TOX: variants seen among roughly 807,000 people sequenced by gnomAD.
TOX encodes thymocyte selection associated high mobility group box.
In TOX, 11 loss-of-function variants were observed where a neutral mutation model predicts 53.7. The ratio of observed to expected loss-of-function variants is 0.20; its 90% CI spans 0.13 to 0.34. The LOEUF (loss-of-function observed/expected upper bound fraction) is 0.34, where lower values mean the gene tolerates loss of function less well. Among genes scored for constraint, TOX ranks in the 10% least tolerant of loss-of-function variants. The probability of loss-of-function intolerance (pLI) is 1.00; values close to 1 mark genes in which losing one functional copy is unlikely to be tolerated. For missense variants in TOX, 570 were observed against 664.6 expected (o/e 0.86, Z 1.56); for synonymous variants, 225 against 245.3 (o/e 0.92, Z 0.77).
rs1404982032 is a variant in TOX, at chr8:58,924,014, A to G, written c.411+15288T>C. 2.0e-5 allele frequency among the ~76,000 whole-genome samples: 3 copies of G among 152,326 alleles called. No homozygotes were observed. The East Asian group carries it at 5.8e-4, about 29-fold the overall frequency. On this transcript the variant is annotated intron_variant, in intron 3 of 8. Coordinates refer to ENST00000361421, the MANE Select transcript of TOX (RefSeq NM_014729.3). Reference sequence around the variant, plus strand: ...TTTCATATCAATTTTGGAAACTTTTATATTCCATGAAGCTCTAAGGTAAGA... The same window carrying G: ...TTTCATATCAATTTTGGAAACTTTTGTATTCCATGAAGCTCTAAGGTAAGA...
At chr8:59,040,098 G>C (rs2129420629) in intron 1 of TOX, among the ~76,000 whole-genome samples, 1 of 152,218 alleles carries the variant, frequency 6.6e-6, no homozygotes, top group East Asian at 1.9e-4. Flanking sequence ...GGGAGGCCGA[G>C]GCGGGCGGAT....
intron 1 of TOX, among the ~76,000 whole-genome samples, chr8:58,969,862 G>A (rs17300113): frequency 0.088 from 13,329 of 152,206 alleles, 745 homozygotes; most frequent in Admixed American, 0.17. Context: ...TCTACTCAAA[G>A]CCTTATTTAT....
At chr8:59,038,727 T>C (rs1357922706) in intron 1 of TOX, among the ~76,000 whole-genome samples, 1 of 152,244 alleles carries the variant, frequency 6.6e-6, no homozygotes, top group Admixed American at 6.5e-5. Context: ...CGCTTGGCTC[T>C]TGGGCTGGTG....
At chr8:58,890,607 CA>C (rs1811545377) in intron 3 of TOX, among the ~76,000 whole-genome samples, 1 of 152,030 alleles carries the variant, frequency 6.6e-6, no homozygotes, top group African/African-American at 2.4e-5. Flanking sequence ...CATATAACTC[CA>C]GGGGGCTATG....
At chr8:58,924,646 C>T (rs556347322) in intron 3 of TOX, among the ~76,000 whole-genome samples, 1 of 152,354 alleles carries the variant, frequency 6.6e-6, no homozygotes, top group African/African-American at 2.4e-5. Context: ...GGAGAATCTA[C>T]TATTTTATGC....
chr8:59,118,764 G>A lies in TOX; in HGVS notation c.102+122C>T, dbSNP rs976752500. The stretch of plus-strand genomic sequence containing the variant: ...AAGCGCACGCAGGCTGCAGCGGGCT[G>A]CGAGCCGAGCGCGCCCGGGACCGGC... On this transcript the variant is annotated intron_variant, in intron 1 of 8. Transcript: ENST00000361421. This position sits in a 1 kb window ranked among gnomAD's most constrained non-coding sequence, Gnocchi z 4.1. 5 of 533,578 alleles carry A rather than the reference G, an allele frequency of 9.4e-6. No individual in the cohort carries two copies. The highest frequency in any genetic ancestry group is 4.5e-5 in the Admixed American group (1 of 22,386). 33.1% of individuals were successfully genotyped at this position (533,578 alleles called of 1,614,324 possible).
intron 1 of TOX, among the ~76,000 whole-genome samples, chr8:59,076,472 A>T (rs1804294133): frequency 6.6e-6 from 1 of 152,226 alleles, no homozygotes; most frequent in African/African-American, 2.4e-5. Flanking sequence ...AAGTATAACT[A>T]CTTAATTTTT....
chr8:59,049,092 GCCCGGTA>G (rs765860859), intron 1 of TOX, among the ~76,000 whole-genome samples: 11,586 of 151,376 alleles, frequency 0.077, 1,353 homozygotes, highest in East Asian at 0.5. Context: ...TTATTATTTG[GCCCGGTA>G]ATGAAAATGA....
chr8:58,975,844 C>T (rs140710683), intron 1 of TOX, among the ~76,000 whole-genome samples: 5 of 152,146 alleles, frequency 3.3e-5, no homozygotes, highest in East Asian at 3.9e-4. Context: ...GTGGCCGAGG[C>T]GGGTGGATCA....
chr8:58,904,555 C>A (rs2129173087), intron 3 of TOX, among the ~76,000 whole-genome samples: 1 of 152,288 alleles, frequency 6.6e-6, no homozygotes, highest in Non-Finnish European at 1.5e-5. Flanking sequence ...CCCAACATGA[C>A]AAGCTCTACC....
At chr8:58,888,347 A>G in intron 3 of TOX, among the ~76,000 whole-genome samples, 1 of 152,110 alleles carries the variant, frequency 6.6e-6, no homozygotes, top group South Asian at 2.1e-4. Context: ...TAAATTTAAC[A>G]ACAAATGTGT....
At chr8:58,939,053 G>A (rs571219542) in intron 3 of TOX, among the ~76,000 whole-genome samples, 1 of 152,314 alleles carries the variant, frequency 6.6e-6, no homozygotes, top group South Asian at 2.1e-4. Context: ...CACATTCAGT[G>A]TCAAACAATA....
rs559256528 is a variant in TOX at position 58,980,777 on chromosome 8, T to C, written c.103-20769A>G. ...CTCTTTCCTAATTCTAAATAAAACT[T>C]AAACCTTTTTTGAAGGTGTTTCCAC... On this transcript the variant is annotated intron_variant, in intron 1 of 8. Transcript: ENST00000361421. Among the ~76,000 whole-genome samples, 6 of 152,318 alleles carry C rather than the reference T, an allele frequency of 3.9e-5. No individual in the cohort carries two copies. The South Asian group carries it at 1.2e-3, about 32-fold the overall frequency.
intron 1 of TOX, among the ~76,000 whole-genome samples, chr8:59,086,270 C>A (rs1384353988): frequency 6.6e-6 from 1 of 152,068 alleles, no homozygotes; most frequent in East Asian, 1.9e-4. Context: ...CAGGTGTGAG[C>A]CACCATACCC....
At position 58,960,024 on chromosome 8, in the gene TOX, T is replaced by C. The variant is rs771518616; in HGVS notation, c.103-16A>G. ...CACCGTCAAACTGCGAATGAAATAA[T>C]AGTAAACATTCAGCAATCTTGACTG... On this transcript the variant is annotated splice_polypyrimidine_tract_variant and intron_variant, in intron 1 of 8. Transcript: ENST00000361421. 10 of 1,613,790 alleles carry C rather than the reference T, an allele frequency of 6.2e-6. No individual in the cohort carries two copies. Among genetic ancestry groups the C allele is most frequent in the African/African-American group, 4.0e-5 (3 of 74,940 alleles).
chr8:59,091,737 T>C (rs1804611058), intron 1 of TOX, among the ~76,000 whole-genome samples: 2 of 152,276 alleles, frequency 1.3e-5, no homozygotes, highest in South Asian at 4.1e-4. Context: ...TCTTTCTCAG[T>C]GACTGGCATC....
At chr8:58,955,535 C>T (rs1385198725) in intron 2 of TOX, among the ~76,000 whole-genome samples, 1 of 152,056 alleles carries the variant, frequency 6.6e-6, no homozygotes, top group African/African-American at 2.4e-5. Flanking sequence ...TGAGCTTTTC[C>T]ATAACCTGAT....
chr8:59,112,123 G>A (rs1227414298), intron 1 of TOX, among the ~76,000 whole-genome samples: 1 of 152,140 alleles, frequency 6.6e-6, no homozygotes, highest in Non-Finnish European at 1.5e-5. Context: ...CTCCCATCAG[G>A]AAAGAGCAAG....
chr8:58,897,415 G>T (rs905670853), intron 3 of TOX, among the ~76,000 whole-genome samples: 25 of 152,118 alleles, frequency 1.6e-4, no homozygotes, highest in Admixed American at 1.4e-3. Context: ...TTTAGGACAC[G>T]TCCAGGAGGG....
Sources: allele counts gnomAD v4.1 joint callset (sites outside exome capture counted in the v4.1 genomes callset), GRCh38; gene constraint gnomAD v4.1.1; non-coding constraint Gnocchi (gnomAD v3.1); transcripts MANE v1.5; gene names NCBI Gene and HGNC (gene_info 2026-07-23, HGNC 2026-07-21).